The following KIAA1217 variants were observed in gnomAD, a reference collection of about 807,000 sequenced individuals.
KIAA1217 encodes sickle tail protein homolog.
A neutral mutation model predicts 163.9 loss-of-function variants in KIAA1217; 88 were observed. The ratio of observed to expected loss-of-function variants is 0.54; its 90% confidence interval spans 0.45 to 0.64. The LOEUF (loss-of-function observed/expected upper bound fraction) is 0.64. Among genes scored for constraint, KIAA1217 ranks in the 30% least tolerant of loss-of-function variants. The pLI, the probability that KIAA1217 is intolerant of heterozygous loss-of-function variation, is 0.00. For missense variants in KIAA1217, 2,372 were observed against 2,475.0 expected, an observed-to-expected ratio of 0.96 and a Z score of 0.88; for synonymous variants, 903 against 923.1, an observed-to-expected ratio of 0.98 and a Z score of 0.39.
rs571776828 is a variant in KIAA1217 at position 24,276,533 on chromosome 10, G to C, written c.354+56624G>C. On this transcript the variant is annotated intron_variant, in intron 2 of 20. Coordinates refer to ENST00000376454, the MANE Select transcript of KIAA1217 (RefSeq NM_019590.5). ...CAATCATAGCCCCTGTAACCTTGAA[G>C]TCCTGGACTCAAGTGATGCTCCCAC... 2.4e-4 allele frequency among the ~76,000 whole-genome samples: 36 copies of C among 151,916 alleles called. No homozygotes were observed. In the South Asian group the frequency reaches 7.3e-3, roughly 31 times the overall value.
chr10:24,372,588 T>C (rs2051825256), intron 2 of KIAA1217, among the ~76,000 whole-genome samples: 1 of 152,124 alleles, frequency 6.6e-6, no homozygotes, highest in African/African-American at 2.4e-5. Context: ...ACCTCAGCAT[T>C]TTGCAATATA....
At chr10:24,026,227 T>G (rs774129070) in intron 2 of KIAA1217, among the ~76,000 whole-genome samples, 12 of 151,910 alleles carry the variant, frequency 7.9e-5, no homozygotes, top group Non-Finnish European at 1.8e-4. Context: ...AATCTGTAGT[T>G]TTATTTTCTT....
intron 11 of KIAA1217, 54 bp downstream of exon 11, chr10:24,520,307 T>C (rs2070897669): frequency 6.3e-7 from 1 of 1,596,552 alleles, no homozygotes; most frequent in African/African-American, 1.4e-5. Context: ...CCTGCGGTGT[T>C]TAAAAATCTG....
chr10:24,214,983 C>T (rs1204359482), intron 1 of KIAA1217, among the ~76,000 whole-genome samples: 1 of 152,242 alleles, frequency 6.6e-6, no homozygotes, highest in East Asian at 1.9e-4. Flanking sequence ...TTGGCAGCGC[C>T]TGCAGTTGCC....
chr10:23,909,122 C>T lies in KIAA1217; in HGVS notation c.-320-98103C>T, dbSNP rs367650931. ...CAGGAATGGTAACCAAAACATCATA[C>T]GTTCTCACTTGTAAGTGGGAGCAAA... On this transcript the variant is annotated intron_variant, in intron 1 of 18. Coordinates refer to the KIAA1217 transcript ENST00000376462. 5.3e-5 allele frequency among the ~76,000 whole-genome samples: 8 copies of T among 152,124 alleles called. No homozygotes were observed. The East Asian group carries it at 9.6e-4, about 18-fold the overall frequency.
intron 14 of KIAA1217, among the ~76,000 whole-genome samples, chr10:24,529,255 T>C (rs1592693514): frequency 1.3e-5 from 2 of 152,294 alleles, no homozygotes; most frequent in East Asian, 3.9e-4. Context: ...TTCCAGTTCC[T>C]GGTATAAAAT....
At chr10:24,176,782 C>A in intron 2 of KIAA1217, among the ~76,000 whole-genome samples, 1 of 152,198 alleles carries the variant, frequency 6.6e-6, no homozygotes, top group East Asian at 1.9e-4. Flanking sequence ...GCGGGGGTGG[C>A]GCCCATCGGG....
At chr10:23,727,915 A>T (rs1474057823) in intron 1 of KIAA1217, among the ~76,000 whole-genome samples, 2 of 151,944 alleles carry the variant, frequency 1.3e-5, no homozygotes, top group Non-Finnish European at 2.9e-5. Flanking sequence ...TTCTGATCCT[A>T]TGTTAGTTTG....
At chr10:23,726,751 A>G (rs2130777434) in intron 1 of KIAA1217, among the ~76,000 whole-genome samples, 1 of 152,320 alleles carries the variant, frequency 6.6e-6, no homozygotes, top group South Asian at 2.1e-4. Context: ...ATATGAACAG[A>G]CACTTCTCAA....
chr10:23,823,896 C>T (rs995170328), intron 1 of KIAA1217, among the ~76,000 whole-genome samples: 2 of 150,710 alleles, frequency 1.3e-5, no homozygotes, highest in East Asian at 2.0e-4. Context: ...AGAAAAGAGC[C>T]ACAGAAAGAC....
intron 1 of KIAA1217, among the ~76,000 whole-genome samples, chr10:23,732,614 C>T (rs1377424445): frequency 6.6e-6 from 1 of 152,074 alleles, no homozygotes; most frequent in Admixed American, 6.6e-5. Context: ...CATTGATTTT[C>T]TCTATTGATC....
At chr10:23,751,213 A>AGCTGGG (rs1168491521) in intron 1 of KIAA1217, among the ~76,000 whole-genome samples, 1 of 151,918 alleles carries the variant, frequency 6.6e-6, no homozygotes, top group Non-Finnish European at 1.5e-5. Context: ...TTTTTAGTAA[A>AGCTGGG]GCTGGGGTTT....
intron 2 of KIAA1217, among the ~76,000 whole-genome samples, chr10:24,349,132 CAAAAAAAA>C (rs11318554): frequency 9.5e-6 from 1 of 105,548 alleles, no homozygotes; most frequent in African/African-American, 3.7e-5. Context: ...GACCCTGTCT[CAAAAAAAA>C]AAAAAAAAAA....
chr10:24,298,668 C>A (rs1230489536), intron 2 of KIAA1217, among the ~76,000 whole-genome samples: 1 of 152,040 alleles, frequency 6.6e-6, no homozygotes, highest in Non-Finnish European at 1.5e-5. Context: ...CATGGTAGTA[C>A]CTGCTTATAG....
intron 1 of KIAA1217, among the ~76,000 whole-genome samples, chr10:23,826,681 G>A (rs919884513): frequency 6.6e-5 from 10 of 152,258 alleles, no homozygotes; most frequent in African/African-American, 1.7e-4. Context: ...AACATAAGGA[G>A]CGTCCTGTGG....
At chr10:23,891,306 A>C (rs1841406800) in intron 1 of KIAA1217, among the ~76,000 whole-genome samples, 1 of 151,708 alleles carries the variant, frequency 6.6e-6, no homozygotes, top group African/African-American at 2.4e-5. Flanking sequence ...ATGTTTCTTT[A>C]CTGTCTTCTT....
At chr10:23,996,348 G>A (rs139505090) in intron 1 of KIAA1217, among the ~76,000 whole-genome samples, 2 of 152,256 alleles carry the variant, frequency 1.3e-5, no homozygotes, top group East Asian at 1.9e-4. Context: ...GACCATAACC[G>A]CAAAATGGAT....
At chr10:23,791,775 G>A (rs1342132382) in intron 1 of KIAA1217, among the ~76,000 whole-genome samples, 1 of 152,188 alleles carries the variant, frequency 6.6e-6, no homozygotes, top group Non-Finnish European at 1.5e-5. Context: ...ACTGCTAGAT[G>A]CATCTTGATC....
At chr10:24,540,567 A>T (rs987634897) in intron 17 of KIAA1217, among the ~76,000 whole-genome samples, 2 of 152,116 alleles carry the variant, frequency 1.3e-5, no homozygotes, top group Non-Finnish European at 2.9e-5. Context: ...ACAGGCCATG[A>T]CCAACCAACA....
Sources: allele counts gnomAD v4.1 joint callset (sites outside exome capture counted in the v4.1 genomes callset), GRCh38; gene constraint gnomAD v4.1.1; transcripts MANE v1.5; gene names NCBI Gene and HGNC (gene_info 2026-07-23, HGNC 2026-07-21).